The following NYAP2 variants were observed in gnomAD, a reference collection of about 807,000 sequenced individuals.
NYAP2 encodes neuronal tyrosine-phosphorylated phosphoinositide-3-kinase adaptor 2, also known as neuronal tyrosine-phosphorylated phosphoinositide-3-kinase adapter 2.
Under a neutral mutation model 50.4 loss-of-function variants are expected in NYAP2, and 23 were observed. That is an observed-to-expected ratio of 0.46 (90% CI 0.33 to 0.65). The LOEUF is 0.65. Among genes scored for constraint, NYAP2 ranks in the 30% least tolerant of loss-of-function variants. The pLI, the probability that NYAP2 is intolerant of heterozygous loss-of-function variation, is 0.02. For synonymous variants in NYAP2, 394 were observed against 365.2 expected, an observed-to-expected ratio of 1.08 and a Z score of -0.90; for missense variants, 885 against 861.0, an observed-to-expected ratio of 1.03 and a Z score of -0.35.
intron 3 of NYAP2, among the ~76,000 whole-genome samples, chr2:225,449,434 TTC>T (rs1053622135): frequency 5.9e-5 from 9 of 152,170 alleles, no homozygotes; most frequent in African/African-American, 2.2e-4. Flanking sequence ...TGACAGCTGA[TTC>T]TTGATATTGC....
intron 3 of NYAP2, among the ~76,000 whole-genome samples, chr2:225,487,635 C>T (rs963363827): frequency 6.6e-6 from 1 of 152,198 alleles, no homozygotes; most frequent in African/African-American, 2.4e-5. Flanking sequence ...GCTGAGATTA[C>T]AGGCATGAGC....
exon 7 of NYAP2, chr2:225,652,996 A>C (rs1463645294): frequency 6.6e-6 from 1 of 152,202 alleles, no homozygotes; most frequent in Non-Finnish European, 1.5e-5. Context: ...CCTTTATATA[A>C]ATGTTAAATG....
chr2:225,535,784 G>C (rs879471491), intron 4 of NYAP2, among the ~76,000 whole-genome samples: 18 of 152,152 alleles, frequency 1.2e-4, no homozygotes, highest in Admixed American at 1.1e-3. Flanking sequence ...AGGAACAGTG[G>C]AACAGTTGGT....
chr2:225,432,000 C>A (rs1040031766), intron 3 of NYAP2, among the ~76,000 whole-genome samples: 4 of 151,984 alleles, frequency 2.6e-5, no homozygotes, highest in Non-Finnish European at 5.9e-5. Flanking sequence ...GATGGAGTCT[C>A]GCTCTGTCAC....
At chr2:225,523,957 T>C (rs1427964805) in intron 4 of NYAP2, among the ~76,000 whole-genome samples, 1 of 152,100 alleles carries the variant, frequency 6.6e-6, no homozygotes, top group East Asian at 1.9e-4. Flanking sequence ...ACACTGAGGA[T>C]AGAACACTCT....
At chr2:225,446,246 C>CTCTCTCTCTATATA (rs1239402824) in intron 3 of NYAP2, among the ~76,000 whole-genome samples, 2 of 82,272 alleles carry the variant, frequency 2.4e-5, no homozygotes, top group East Asian at 3.7e-4. Context: ...CTCTCTCTCT[C>CTCTCTCTCTATATA]TATATATATA....
intron 3 of NYAP2, among the ~76,000 whole-genome samples, chr2:225,493,113 A>G (rs1690437694): frequency 6.6e-6 from 1 of 151,780 alleles, no homozygotes; most frequent in African/African-American, 2.4e-5. Context: ...GCCCCAACAA[A>G]TAGCTGGGAC....
At chr2:225,411,674 G>T (rs1695043334) in intron 3 of NYAP2, among the ~76,000 whole-genome samples, 1 of 152,044 alleles carries the variant, frequency 6.6e-6, no homozygotes, top group South Asian at 2.1e-4. Context: ...AACAGTGGAA[G>T]AATTCAGTAA....
chr2:225,680,382 ATAGAG>A, the NYAP2 span, among the ~76,000 whole-genome samples: 1 of 152,170 alleles, frequency 6.6e-6, no homozygotes, highest in Non-Finnish European at 1.5e-5. Flanking sequence ...TTGCAATCTT[ATAGAG>A]TAGATTCTGT....
intron 3 of NYAP2, among the ~76,000 whole-genome samples, chr2:225,499,099 T>C (rs1277859834): frequency 1.3e-5 from 2 of 151,970 alleles, no homozygotes; most frequent in African/African-American, 4.8e-5. Flanking sequence ...TGACCTACAC[T>C]GAAGCATGAG....
chr2:225,405,566 G>A (rs954054869), intron 2 of NYAP2, among the ~76,000 whole-genome samples: 6 of 151,922 alleles, frequency 3.9e-5, no homozygotes, highest in Non-Finnish European at 5.9e-5. Flanking sequence ...GGTTGTACTC[G>A]TCTGTGGGTT....
chr2:225,531,901 A>G (rs148273556), intron 4 of NYAP2, among the ~76,000 whole-genome samples: 1 of 152,366 alleles, frequency 6.6e-6, no homozygotes, highest in East Asian at 1.9e-4. Context: ...TACACAAACT[A>G]ATTATGGGTT....
At chr2:225,673,073 T>G in the NYAP2 span, among the ~76,000 whole-genome samples, 2 of 151,114 alleles carry the variant, frequency 1.3e-5, no homozygotes, top group Admixed American at 1.3e-4. Flanking sequence ...GGCCTCACAA[T>G]CATGGTGGAA....
intron 3 of NYAP2, among the ~76,000 whole-genome samples, chr2:225,477,422 G>C (rs1197899606): frequency 6.6e-6 from 1 of 151,760 alleles, no homozygotes; most frequent in Non-Finnish European, 1.5e-5. Context: ...ATTTTTAGTA[G>C]AGATGGGGTT....
At chr2:225,459,321 A>G (rs1002639233) in intron 3 of NYAP2, among the ~76,000 whole-genome samples, 1 of 152,228 alleles carries the variant, frequency 6.6e-6, no homozygotes, top group Non-Finnish European at 1.5e-5. Context: ...TTAGGGTTAT[A>G]GTCAGGATGT....
At chr2:225,429,243 A>G (rs1364039610) in intron 3 of NYAP2, among the ~76,000 whole-genome samples, 3 of 152,228 alleles carry the variant, frequency 2.0e-5, no homozygotes, top group Non-Finnish European at 4.4e-5. Flanking sequence ...ATATGAATCA[A>G]ATCTGGCAGA....
chr2:225,519,252 T>A lies in NYAP2; in HGVS notation c.523+5580T>A, dbSNP rs796117900. ...GTATTTAGTATAAAGAATATTTTATTTTTTTATTTTTTATTTTTTATTTTA... is the reference window on the plus strand; with the variant it reads ...GTATTTAGTATAAAGAATATTTTATATTTTTATTTTTTATTTTTTATTTTA... On this transcript the variant is annotated intron_variant, in intron 4 of 6. Coordinates refer to ENST00000636099, the Ensembl canonical transcript of NYAP2. Among the ~76,000 whole-genome samples, 8 of 151,512 alleles carry A rather than the reference T, an allele frequency of 5.3e-5. No individual in the cohort carries two copies. The South Asian group carries it at 1.5e-3, about 28-fold the overall frequency.
chr2:225,619,558 C>T (rs571593935), intron 5 of NYAP2, among the ~76,000 whole-genome samples: 1 of 152,190 alleles, frequency 6.6e-6, no homozygotes, highest in South Asian at 2.1e-4. Context: ...TCAGACCTAG[C>T]GGTAAAAGCC....
chr2:225,664,792 C>T, the NYAP2 span, among the ~76,000 whole-genome samples: 1 of 152,052 alleles, frequency 6.6e-6, no homozygotes, highest in Non-Finnish European at 1.5e-5. Context: ...AGGAGAATGG[C>T]GTGAACCTGG....
Sources: allele counts gnomAD v4.1 joint callset (sites outside exome capture counted in the v4.1 genomes callset), GRCh38; gene constraint gnomAD v4.1.1; transcripts MANE v1.5; gene names NCBI Gene and HGNC (gene_info 2026-07-23, HGNC 2026-07-21).